Variants in SNPH observed in about 807,000 individuals in gnomAD.
SNPH encodes syntaphilin.
SNPH carries 10 observed loss-of-function variants against 36.8 expected under a neutral mutation model. The observed-to-expected ratio is 0.27, with a 90% CI of 0.17 to 0.46. The LOEUF (loss-of-function observed/expected upper bound fraction) is 0.46. SNPH is among the 20% of genes least tolerant of loss of function. The pLI, the probability that SNPH is intolerant of heterozygous loss-of-function variation, is 1.00. For synonymous variants in SNPH, 281 were observed against 312.2 expected (o/e 0.90, Z 1.05); for missense variants, 622 against 744.0 (o/e 0.84, Z 1.91).
intron 2 of SNPH, among the ~76,000 whole-genome samples, chr20:1,288,534 G>A (rs976817372): frequency 2.0e-5 from 3 of 152,200 alleles, no homozygotes; most frequent in Admixed American, 6.5e-5. Flanking sequence ...CATGGAAAGG[G>A]CTTCTCCTTT....
intron 4 of SNPH, 69 bp from the exon 5 acceptor site, chr20:1,297,075 CA>C: frequency 6.5e-7 from 1 of 1,528,088 alleles, no homozygotes; most frequent in Non-Finnish European, 8.8e-7. Flanking sequence ...AGCGGCCTGG[CA>C]GTGTTCGCCC....
rs1474562068 is a variant in SNPH at position 1,276,855 on chromosome 20, C to A, written c.-493+10095C>A. ...GTCAGATGGATGTTGGGCTTTGAAA[C>A]CTTCAGATTCTTTCCTGTCCAGAAT... On this transcript the variant is annotated intron_variant, in intron 2 of 6. Coordinates refer to ENST00000381867, the MANE Select transcript of SNPH (RefSeq NM_001318234.2). This position sits in a 1 kb window ranked among gnomAD's most constrained non-coding sequence, Gnocchi z 4.6. Among the ~76,000 whole-genome samples the A allele has an allele frequency of 1.3e-5, 2 of 152,130 alleles. No individual in the cohort carries two copies. The highest frequency in any genetic ancestry group is 3.8e-4 in the East Asian group (2 of 5,198).
At position 1,296,114 on chromosome 20, in the gene SNPH, G is replaced by A; in HGVS notation, c.-126G>A. On this transcript the variant is annotated 5_prime_UTR_variant, in exon 4 of 7. Transcript: ENST00000381867. ...TGATTACTTTTAGCCACTCCTGACAGTTGTGGTTTTAAGTTGGGTGGTGGG... is the reference window on the plus strand; with the variant it reads ...TGATTACTTTTAGCCACTCCTGACAATTGTGGTTTTAAGTTGGGTGGTGGG... The A allele has an allele frequency of 1.3e-6, 1 of 741,218 alleles. No individual in the cohort carries two copies. The allele number at this position is 741,218 out of a possible 1,614,324, so 45.9% of individuals were successfully genotyped here.
intron 4 of SNPH, among the ~76,000 whole-genome samples, 183 bp downstream of exon 4, chr20:1,296,604 G>A (rs544993762): frequency 6.6e-6 from 1 of 152,342 alleles, no homozygotes; most frequent in African/African-American, 2.4e-5. Context: ...AAATGACACA[G>A]TGGATGTGAG....
At chr20:1,277,623 C>CT (rs2088151829) in intron 2 of SNPH, among the ~76,000 whole-genome samples, 1 of 9,548 alleles carries the variant, frequency 1.0e-4, no homozygotes, top group Non-Finnish European at 3.9e-4. Flanking sequence ...TGTATGTGTG[C>CT]CTGTGTGTGT....
At chr20:1,292,234 G>A (rs1356210730) in intron 2 of SNPH, among the ~76,000 whole-genome samples, 3 of 152,200 alleles carry the variant, frequency 2.0e-5, no homozygotes, top group Admixed American at 6.5e-5. Flanking sequence ...AAGGCTGTGG[G>A]TGGGACCTAA....
intron 2 of SNPH, among the ~76,000 whole-genome samples, chr20:1,288,148 C>T (rs2088306042): frequency 6.6e-6 from 1 of 152,224 alleles, no homozygotes; most frequent in South Asian, 2.1e-4. Flanking sequence ...GTCACTCATG[C>T]CTGGGCCTGC....
At chr20:1,277,722 G>C (rs1292359548) in intron 2 of SNPH, among the ~76,000 whole-genome samples, 7 of 148,282 alleles carry the variant, frequency 4.7e-5, no homozygotes, top group Non-Finnish European at 1.0e-4. Flanking sequence ...GTGTGTCTGT[G>C]TGTGTATCTG....
chr20:1,269,073 G>A (rs1329360660), intron 2 of SNPH, among the ~76,000 whole-genome samples: 1 of 152,104 alleles, frequency 6.6e-6, no homozygotes, highest in Non-Finnish European at 1.5e-5. Context: ...TGTGTTTGAG[G>A]GAGGAGAGCA....
Position 1,306,360 on chromosome 20 carries a change from G to A in SNPH, c.*306G>A, listed in dbSNP as rs2088579604. 1 of 299,876 alleles carries A rather than the reference G, an allele frequency of 3.3e-6. No individual in the cohort carries two copies. The highest frequency in any genetic ancestry group is 9.3e-4 in the Middle Eastern group (1 of 1,078). The allele number at this position is 299,876 out of a possible 1,614,324, so 18.6% of individuals were successfully genotyped here. ...CTGTCCCCTTGGCTCTTCAGACAGG[G>A]CCAGCCCTGCTCAGGAAGTCTCTGG... On this transcript the variant is annotated 3_prime_UTR_variant, in exon 7 of 7. Coordinates refer to ENST00000381867, the MANE Select transcript of SNPH (RefSeq NM_001318234.2).
chr20:1,296,304 C>G lies in SNPH; in HGVS notation c.65C>G (p.Pro22Arg), dbSNP rs778080356. ...WPGPALSAGPPTRPLSSAPGI... is the reference protein window; with the variant it reads ...WPGPALSAGPRTRPLSSAPGI... ...GGCCCGGCCCTTTCTGCGGGCCCCC[C>G]AACCCGCCCTCTCTCCTCAGCCCCC... is the stretch of plus-strand genomic sequence containing the variant. Residue 22 changes from proline (P) to arginine (R), a missense_variant, in exon 4 of 7, where the codon CCA (proline) becomes CGA (arginine). Around this residue, in one of 3 missense-constraint regions of SNPH, gnomAD observed 187 missense variants for 209.4 expected, o/e 0.89. Transcript: ENST00000381867. 6.3e-7 allele frequency: 1 copy of G among 1,583,554 alleles called. No homozygotes were observed. Among genetic ancestry groups the G allele is most frequent in the Non-Finnish European group, 8.6e-7 (1 of 1,166,708 alleles).
rs1006664288 is a variant in SNPH, at chr20:1,294,332, C to T, written c.-492-619C>T. On this transcript the variant is annotated intron_variant, in intron 2 of 6. Coordinates refer to ENST00000381867, the MANE Select transcript of SNPH (RefSeq NM_001318234.2). This position sits in a 1 kb window ranked among gnomAD's most constrained non-coding sequence, Gnocchi z 4.4. ...GAGCCCTTGCCCATGTGCCCCTCTG[C>T]ACCCTAAGCTGTTCCTGGTCAAGAT... 1.4e-4 allele frequency among the ~76,000 whole-genome samples: 21 copies of T among 152,204 alleles called. No homozygotes were observed. The highest frequency in any genetic ancestry group is 1.2e-3 in the Admixed American group (18 of 15,286).
chr20:1,301,315 C>T (rs1345371510), intron 6 of SNPH, among the ~76,000 whole-genome samples: 2 of 152,114 alleles, frequency 1.3e-5, no homozygotes, highest in African/African-American at 4.8e-5. Context: ...ACCCTCCCAG[C>T]TTCTACCCTC....
chr20:1,272,613 G>A lies in SNPH; in HGVS notation c.-493+5853G>A, dbSNP rs140106575. ...CACATATTAAAATGTGTATGTGACC[G>A]GCCATCCGTCTGTGACCTCAGATGT... is the stretch of plus-strand genomic sequence containing the variant. On this transcript the variant is annotated intron_variant, in intron 2 of 6. Transcript: ENST00000381867. 3.3e-5 allele frequency among the ~76,000 whole-genome samples: 5 copies of A among 152,358 alleles called. No homozygotes were observed. In the East Asian group the frequency reaches 5.8e-4, roughly 18 times the overall value.
In SNPH at chr20:1,287,820, G is replaced by A. The variant is rs537509390; in HGVS notation, c.-492-7131G>A. The stretch of plus-strand genomic sequence containing the variant: ...GAGAAGGGGGAAGGGAGAGAAGCCG[G>A]ACTGAGGCTTGACAGCTCTATCAGT... On this transcript the variant is annotated intron_variant, in intron 2 of 6. Transcript: ENST00000381867. Among the ~76,000 whole-genome samples the A allele has an allele frequency of 1.7e-4, 26 of 152,326 alleles. 1 individual carries two copies. In the South Asian group the frequency reaches 5.2e-3, roughly 30 times the overall value.
chr20:1,281,349 G>C (rs554487438), intron 2 of SNPH, among the ~76,000 whole-genome samples: 1 of 152,142 alleles, frequency 6.6e-6, no homozygotes, highest in Non-Finnish European at 1.5e-5. Context: ...GGCAGAGCTC[G>C]TACAGGGTTA....
Position 1,304,929 on chromosome 20 carries a change from C to T in SNPH, c.492C>T (p.Asp164=). 6.2e-7 allele frequency: 1 copy of T among 1,613,588 alleles called. No homozygotes were observed. Among genetic ancestry groups the T allele is most frequent in the African/African-American group, 1.3e-5 (1 of 75,006 alleles). Reference sequence around the variant, plus strand: ...CGCAGCTGTCACGCATGCAGGAGGACTGGATTGAGGAGGAGTGCCACCGCG... The same window carrying T: ...CGCAGCTGTCACGCATGCAGGAGGATTGGATTGAGGAGGAGTGCCACCGCG... The part of the protein sequence containing the change: ...LKTQLSRMQE[D]WIEEECHRVE... Residue 164 remains aspartate, a synonymous_variant, in exon 7 of 7, where the codon GAC becomes GAT. Coordinates refer to ENST00000381867, the MANE Select transcript of SNPH (RefSeq NM_001318234.2). The surrounding 1 kb of genome is among the most constrained non-coding windows in gnomAD (Gnocchi z 4.3).
intron 2 of SNPH, among the ~76,000 whole-genome samples, chr20:1,277,987 C>A (rs529638013): frequency 2.4e-5 from 3 of 125,176 alleles, no homozygotes; most frequent in Admixed American, 1.6e-4. Flanking sequence ...GTGTGTGTGG[C>A]GTGTCTGTGT....
At chr20:1,298,419 T>C (rs2088465393) in intron 5 of SNPH, among the ~76,000 whole-genome samples, 1 of 152,210 alleles carries the variant, frequency 6.6e-6, no homozygotes, top group Non-Finnish European at 1.5e-5. Flanking sequence ...AAACAGCAGC[T>C]GTTAGATTTC....
Sources: allele counts gnomAD v4.1 joint callset (sites outside exome capture counted in the v4.1 genomes callset), GRCh38; gene constraint gnomAD v4.1.1; regional missense constraint gnomAD v4.1.1; non-coding constraint Gnocchi (gnomAD v3.1); transcripts MANE v1.5; gene names NCBI Gene and HGNC (gene_info 2026-07-23, HGNC 2026-07-21).